CDC42BPA: variants seen among roughly 807,000 people sequenced by gnomAD.
The protein encoded by CDC42BPA is CDC42 binding protein kinase alpha, also known as serine/threonine-protein kinase MRCK alpha.
CDC42BPA carries 80 observed loss-of-function variants against 223.5 expected under a neutral mutation model. The observed-to-expected ratio is 0.36, with a 90% CI of 0.30 to 0.43. The LOEUF is 0.43. CDC42BPA is among the 20% of genes least tolerant of loss of function. The pLI is 1.00. For missense variants in CDC42BPA, 1,743 were observed against 2,099.9 expected, an observed-to-expected ratio of 0.83 and a Z score of 3.32; for synonymous variants, 694 against 718.6, an observed-to-expected ratio of 0.97 and a Z score of 0.55.
At chr1:227,172,627 C>T (rs536638686) in intron 5 of CDC42BPA, among the ~76,000 whole-genome samples, 11 of 151,930 alleles carry the variant, frequency 7.2e-5, no homozygotes, top group African/African-American at 1.7e-4. Context: ...CCCACTGAGA[C>T]GGAAGGAAGA....
intron 6 of CDC42BPA, among the ~76,000 whole-genome samples, chr1:227,155,685 T>G (rs1034461282): frequency 6.6e-6 from 1 of 152,164 alleles, no homozygotes; most frequent in Non-Finnish European, 1.5e-5. Context: ...CACGGGAAAT[T>G]AAGCAGAGCA....
At chr1:227,069,879 A>G in intron 20 of CDC42BPA, 26 bp from the exon 21 acceptor site, 1 of 1,521,562 alleles carries the variant, frequency 6.6e-7, no homozygotes, top group Non-Finnish European at 9.1e-7. Context: ...AACTTTTTTT[A>G]AGGCTACAAC....
chr1:227,153,822 CCAATGA>C (rs1423290465), intron 6 of CDC42BPA, among the ~76,000 whole-genome samples: 2 of 151,858 alleles, frequency 1.3e-5, no homozygotes, highest in African/African-American at 4.8e-5. Context: ...GTAAATTCTA[CCAATGA>C]CATAAGTTAA....
chr1:227,252,438 C>G (rs562427727), intron 2 of CDC42BPA, among the ~76,000 whole-genome samples: 9 of 152,248 alleles, frequency 5.9e-5, no homozygotes, highest in African/African-American at 2.2e-4. Flanking sequence ...AGAGGCTTCA[C>G]CAGTTAAATC....
At chr1:227,151,977 T>G (rs1399228057) in intron 6 of CDC42BPA, among the ~76,000 whole-genome samples, 3 of 150,906 alleles carry the variant, frequency 2.0e-5, no homozygotes, top group Non-Finnish European at 4.4e-5. Context: ...TGAGCCGAGA[T>G]CACGCCACTG....
At chr1:227,295,961 T>A (rs1316664220) in intron 1 of CDC42BPA, among the ~76,000 whole-genome samples, 1 of 152,194 alleles carries the variant, frequency 6.6e-6, no homozygotes, top group African/African-American at 2.4e-5. Flanking sequence ...CGGGTTTTGT[T>A]AATAAAGAAG....
chr1:227,137,628 A>T (rs1253395547), intron 10 of CDC42BPA, among the ~76,000 whole-genome samples: 1 of 151,632 alleles, frequency 6.6e-6, no homozygotes, highest in Non-Finnish European at 1.5e-5. Flanking sequence ...CCAACAACAG[A>T]CTGGGTAATT....
intron 4 of CDC42BPA, among the ~76,000 whole-genome samples, chr1:227,195,105 T>C (rs563840194): frequency 3.3e-5 from 5 of 152,362 alleles, no homozygotes; most frequent in African/African-American, 9.6e-5. Context: ...TAATTTCGCA[T>C]ATTTAAAGCC....
intron 9 of CDC42BPA, 138 bp from the exon 10 acceptor site, chr1:227,139,880 A>G: frequency 7.0e-6 from 3 of 427,100 alleles, no homozygotes; most frequent in East Asian, 7.1e-5. Flanking sequence ...TTTAAAACAC[A>G]GATCTGAATA....
At chr1:227,195,990 T>G (rs1297655073) in intron 4 of CDC42BPA, among the ~76,000 whole-genome samples, 1 of 152,106 alleles carries the variant, frequency 6.6e-6, no homozygotes, top group Admixed American at 6.5e-5. Context: ...AATTAATACA[T>G]GCTGAACCTC....
At position 227,254,255 on chromosome 1, in the gene CDC42BPA, G is replaced by C. The variant is rs1196941180; in HGVS notation, c.179-100C>G. Reference sequence around the variant, plus strand: ...TTAGTTACACAAAAATTCAAATTATGATTTAAGAATTGTCAAAATATTTAA... The same window carrying C: ...TTAGTTACACAAAAATTCAAATTATCATTTAAGAATTGTCAAAATATTTAA... On this transcript the variant is annotated intron_variant, in intron 1 of 36. Coordinates refer to ENST00000366766, the MANE Select transcript of CDC42BPA (RefSeq NM_001394014.1). The C allele has an allele frequency of 1.2e-5, 7 of 605,752 alleles. No individual in the cohort carries two copies. The African/African-American group carries it at 1.2e-4, about 10-fold the overall frequency. The allele number at this position is 605,752 out of a possible 1,614,324, so 37.5% of individuals were successfully genotyped here.
chr1:227,074,584 A>G (rs2149084876), intron 17 of CDC42BPA, among the ~76,000 whole-genome samples: 1 of 152,310 alleles, frequency 6.6e-6, no homozygotes, highest in South Asian at 2.1e-4. Context: ...TGATGTTTAC[A>G]AAAGTCCAAG....
chr1:227,222,689 T>C (rs1171987976), intron 2 of CDC42BPA, among the ~76,000 whole-genome samples: 1 of 152,236 alleles, frequency 6.6e-6, no homozygotes, highest in African/African-American at 2.4e-5. Context: ...CATTAGATCA[T>C]ACCCTTTTTC....
chr1:227,252,066 T>C (rs1682108375), intron 2 of CDC42BPA, among the ~76,000 whole-genome samples: 1 of 152,030 alleles, frequency 6.6e-6, no homozygotes, highest in Non-Finnish European at 1.5e-5. Flanking sequence ...ACATATAGCC[T>C]TAAACACAGG....
intron 1 of CDC42BPA, among the ~76,000 whole-genome samples, chr1:227,276,684 G>T (rs540281779): frequency 1.3e-5 from 2 of 152,250 alleles, no homozygotes; most frequent in East Asian, 3.8e-4. Context: ...TGCTGTGTCT[G>T]TGTAGAAAGA....
chr1:227,004,384 G>C (rs1663573064), intron 35 of CDC42BPA: 1 of 156,850 alleles, frequency 6.4e-6, no homozygotes, highest in African/African-American at 2.4e-5. Context: ...CCTGCCTCTA[G>C]TCCATTCTCC....
At chr1:227,276,121 G>A (rs1207305206) in intron 1 of CDC42BPA, among the ~76,000 whole-genome samples, 14 of 150,642 alleles carry the variant, frequency 9.3e-5, no homozygotes, top group South Asian at 6.3e-4. Context: ...AGTGAGGAGC[G>A]CCTCTTCCCG....
At chr1:227,291,014 T>C (rs1024510792) in intron 1 of CDC42BPA, among the ~76,000 whole-genome samples, 2 of 152,188 alleles carry the variant, frequency 1.3e-5, no homozygotes, top group Admixed American at 6.5e-5. Context: ...TTTGTTAAGA[T>C]CACTGCACTT....
At chr1:227,239,915 G>A (rs975878153) in intron 2 of CDC42BPA, among the ~76,000 whole-genome samples, 3 of 152,094 alleles carry the variant, frequency 2.0e-5, no homozygotes, top group African/African-American at 7.2e-5. Context: ...AGAGGTCCGA[G>A]CTAGTGCAGT....
Sources: gnomAD v4.1 joint callset for allele counts (sites outside exome capture counted in the v4.1 genomes callset) on GRCh38, gnomAD v4.1.1 for gene constraint, MANE v1.5 for transcripts, NCBI Gene and HGNC (gene_info 2026-07-23, HGNC 2026-07-21) for gene names.